TRMU: variants seen among roughly 807,000 people sequenced by gnomAD.
The protein encoded by TRMU is mitochondrial tRNA-specific 2-thiouridylase 1.
TRMU carries 49 observed loss-of-function variants against 46.9 expected under a neutral mutation model. The observed-to-expected ratio is 1.05, with a 90% CI of 0.83 to 1.33. TRMU has a LOEUF of 1.33. Among genes scored for constraint, TRMU ranks in the 40% most tolerant of loss-of-function variants. TRMU has a pLI of 0.00. For missense variants in TRMU, 572 were observed against 532.4 expected, an observed-to-expected ratio of 1.07 and a Z score of -0.73; for synonymous variants, 241 against 200.9, an observed-to-expected ratio of 1.20 and a Z score of -1.69.
chr22:46,356,790 C>T, intron 10 of TRMU, 52 bp from the exon 11 acceptor site: 1 of 1,606,494 alleles, frequency 6.2e-7, no homozygotes, highest in Admixed American at 1.7e-5. Context: ...CCCCTGCCTG[C>T]CCTCGGCTGG....
In TRMU at chr22:46,353,599, G is replaced by C. The variant is rs1352684682; in HGVS notation, c.773-168G>C. 1.8e-5 allele frequency: 11 copies of C among 624,224 alleles called. No individual in the cohort carries two copies. The Admixed American group carries it at 2.4e-4, about 13-fold the overall frequency. 38.7% of individuals were successfully genotyped at this position (624,224 alleles called of 1,614,324 possible). A position where few individuals can be genotyped will look rare whatever the true frequency, so the allele number is the denominator to read the frequency against. On this transcript the variant is annotated intron_variant, in intron 7 of 10. Transcript: ENST00000645190. ...GGACAATGATGAGATGTGCTCAGGT[G>C]CTTGGTCAGGGCTGGCTTTGGTGGT... is the stretch of plus-strand genomic sequence containing the variant.
In TRMU at chr22:46,353,867, G is replaced by T; in HGVS notation, c.873G>T (p.Val291=). The T allele has an allele frequency of 3.7e-6, 6 of 1,613,388 alleles. No homozygotes were observed. Among genetic ancestry groups the T allele is most frequent in the Non-Finnish European group, 5.1e-6 (6 of 1,179,550 alleles). The change falls in exon 8 of 11, where the codon GTG becomes GTT. Residue 291 remains valine (V), a splice_region_variant and synonymous_variant. Coordinates refer to ENST00000645190, the MANE Select transcript of TRMU (RefSeq NM_018006.5). ...EKDSVKGDVF[V]APRTDHPALY... ...ACAGCGTCAAGGGTGACGTGTTTGT[G>T]GTGAGTGGGCCGGCCTCTGAGACAG...
rs2078305676 is a variant in TRMU, at chr22:46,348,068, G to A, written c.478+1524G>A. 1.3e-5 allele frequency among the ~76,000 whole-genome samples: 2 copies of A among 151,570 alleles called. No homozygotes were observed. The highest frequency in any genetic ancestry group is 2.9e-5 in the Non-Finnish European group (2 of 67,812). On this transcript the variant is annotated intron_variant, in intron 4 of 10. Coordinates refer to ENST00000645190, the MANE Select transcript of TRMU (RefSeq NM_018006.5). The surrounding 1 kb of genome is among the most constrained non-coding windows in gnomAD (Gnocchi z 4.8). ...CCCCATTTCAGGAAGACATGGGTTT[G>A]AATGCAGATAAGACAGCCCCCCATT... is the stretch of plus-strand genomic sequence containing the variant.
rs1353021562 is a variant in TRMU, at chr22:46,337,944, G to T, written c.248G>T (p.Ser83Ile). The change falls in exon 2 of 11, where the codon AGT becomes ATT. Residue 83 changes from serine (S) to isoleucine (I), a missense_variant and splice_region_variant. Transcript: ENST00000645190. ...YVKEYWNDVF[S>I]DFLNEYEKGR... ...AAGGAGTATTGGAATGATGTGTTCA[G>T]GTGAGTGCGGGTCACAGCACAAAGG... 2 of 1,614,002 alleles carry T rather than the reference G, an allele frequency of 1.2e-6. No homozygotes were observed. Among genetic ancestry groups the T allele is most frequent in the Non-Finnish European group, 1.7e-6 (2 of 1,179,994 alleles).
rs760507725 is a variant in TRMU at position 46,335,790 on chromosome 22, G to A, written c.26G>A (p.Cys9Tyr). The A allele has an allele frequency of 1.3e-6, 2 of 1,560,838 alleles. No individual in the cohort carries two copies. Among genetic ancestry groups the A allele is most frequent in the Non-Finnish European group, 8.6e-7 (1 of 1,157,936 alleles). MQALRHVV[C>Y]ALSGGVDSAV... is the part of the protein sequence containing the mutation. ...ATGCAGGCCTTGCGGCACGTCGTGT[G>A]CGCCCTGTCCGGCGGCGTGGACAGC... Residue 9 changes from cysteine to tyrosine, a missense_variant, in exon 1 of 11, where the codon TGC becomes TAC. Transcript: ENST00000645190.
intron 4 of TRMU, 21 bp downstream of exon 4, chr22:46,346,565 C>T (rs1422663426): frequency 1.2e-6 from 2 of 1,605,594 alleles, no homozygotes; most frequent in Non-Finnish European, 1.7e-6. Context: ...GTGCCCAGGT[C>T]AGAGCCAAAT....
intron 2 of TRMU, 76 bp from the exon 3 acceptor site, chr22:46,343,186 G>A: frequency 9.5e-7 from 1 of 1,055,594 alleles, no homozygotes; most frequent in Middle Eastern, 2.2e-4. Context: ...CATTAAACAA[G>A]CAATTTAGTG....
rs917374686 is a variant in TRMU at position 46,349,360 on chromosome 22, C to T, written c.479-931C>T. Among the ~76,000 whole-genome samples the T allele has an allele frequency of 2.4e-4, 36 of 152,154 alleles. No homozygotes were observed. Among genetic ancestry groups the T allele is most frequent in the Admixed American group, 1.8e-3 (27 of 15,280 alleles). On this transcript the variant is annotated intron_variant, in intron 4 of 10. Transcript: ENST00000645190. This position sits in a 1 kb window ranked among gnomAD's most constrained non-coding sequence, Gnocchi z 4.6. ...GCCGGCTCCAGTCTCCCCTCTGTAA[C>T]GTGGGGAGAATTCTCCCTCTCACGG... is the stretch of plus-strand genomic sequence containing the variant.
chr22:46,355,569 C>T lies in TRMU; in HGVS notation c.999C>T (p.Phe333=), dbSNP rs531708138. 6.2e-7 allele frequency: 1 copy of T among 1,613,368 alleles called. No homozygotes were observed. Among genetic ancestry groups the T allele is most frequent in the Admixed American group, 1.7e-5 (1 of 60,028 alleles). ...AGATGATGGAGTGCCACTTCCGATT[C>T]CGCCACCAGATGGCACTAGGTGACT... ...RDKMMECHFR[F]RHQMALVPCV... is the part of the protein sequence containing the mutation. Residue 333 remains phenylalanine (F), a synonymous_variant, in exon 9 of 11, where the codon TTC becomes TTT. Coordinates refer to ENST00000645190, the MANE Select transcript of TRMU (RefSeq NM_018006.5).
rs1448181486 is a variant in TRMU, at chr22:46,351,688, GGCAGA to G, written c.652-432_652-428del. The G allele has an allele frequency of 3.8e-5, 12 of 316,562 alleles. 1 individual carries two copies. In the East Asian group the frequency reaches 8.8e-4, roughly 23 times the overall value. 19.6% of individuals were successfully genotyped at this position (316,562 alleles called of 1,614,324 possible). ...CACGCCACCCAGGCTCCCCAGCTAG[GGCAGA>G]TGTGCTTGAGGAAGGCGCCTCTCTC... On this transcript the variant is annotated intron_variant, in intron 5 of 10. Coordinates refer to ENST00000645190, the MANE Select transcript of TRMU (RefSeq NM_018006.5). This position sits in a 1 kb window ranked among gnomAD's most constrained non-coding sequence, Gnocchi z 6.4.
At chr22:46,337,108 T>C (rs112941034) in intron 1 of TRMU, among the ~76,000 whole-genome samples, 2,413 of 152,286 alleles carry the variant, frequency 0.016, 25 homozygotes, top group Non-Finnish European at 0.026. Flanking sequence ...CAAAGCTTTG[T>C]CATCAAATTT....
chr22:46,337,290 T>C (rs569999457), intron 1 of TRMU, among the ~76,000 whole-genome samples: 2 of 152,334 alleles, frequency 1.3e-5, no homozygotes, highest in South Asian at 4.1e-4. Context: ...GTGAATATTT[T>C]GTTACAATCG....
chr22:46,347,648 C>A lies in TRMU; in HGVS notation c.478+1104C>A, dbSNP rs2078295544. On this transcript the variant is annotated intron_variant, in intron 4 of 10. Coordinates refer to ENST00000645190, the MANE Select transcript of TRMU (RefSeq NM_018006.5). This position sits in a 1 kb window ranked among gnomAD's most constrained non-coding sequence, Gnocchi z 5.0. ...TACAGGTGTGAGCCACCAAGCCCGG[C>A]CTCACACGTTTCACATCACTCCTCT... Among the ~76,000 whole-genome samples, 1 of 152,236 alleles carries A rather than the reference C, an allele frequency of 6.6e-6. No individual in the cohort carries two copies. The highest frequency in any genetic ancestry group is 1.5e-5 in the Non-Finnish European group (1 of 68,046).
chr22:46,351,010 G>C lies in TRMU; in HGVS notation c.651+547G>C, dbSNP rs2078405435. ...CAGGAGGCCAATCAGTGTAAACCTA[G>C]AAAATGTCTACGGAGGGAGGTGTAG... On this transcript the variant is annotated intron_variant, in intron 5 of 10. Coordinates refer to ENST00000645190, the MANE Select transcript of TRMU (RefSeq NM_018006.5). This position sits in a 1 kb window ranked among gnomAD's most constrained non-coding sequence, Gnocchi z 6.4. Among the ~76,000 whole-genome samples the C allele has an allele frequency of 6.6e-6, 1 of 152,236 alleles. No homozygotes were observed. Among genetic ancestry groups the C allele is most frequent in the Admixed American group, 6.5e-5 (1 of 15,290 alleles).
At position 46,353,794 on chromosome 22, in the gene TRMU, G is replaced by C. The variant is rs1232007053; in HGVS notation, c.800G>C (p.Arg267Thr). 1.9e-6 allele frequency: 3 copies of C among 1,613,822 alleles called. No homozygotes were observed. Among genetic ancestry groups the C allele is most frequent in the Admixed American group, 3.3e-5 (2 of 59,996 alleles). ...TGGTTCCTGTATACCTTGGGCCAGA[G>C]AGCAAACATAGGTGGCCTGAGAGAG... is the stretch of plus-strand genomic sequence containing the variant. The part of the protein sequence containing the change: ...KGWFLYTLGQ[R>T]ANIGGLREPW... The change falls in exon 8 of 11, where the codon AGA becomes ACA. Residue 267 changes from arginine (R) to threonine (T), a missense_variant. Arg to Thr is a moderately conservative substitution (Grantham distance 71). Coordinates refer to ENST00000645190, the MANE Select transcript of TRMU (RefSeq NM_018006.5).
rs773745635 is a variant in TRMU at position 46,355,450 on chromosome 22, C to T, written c.880C>T (p.Arg294Trp). The change falls in exon 9 of 11, where the codon CGG becomes TGG. Residue 294 changes from arginine to tryptophan, a missense_variant. Transcript: ENST00000645190. The part of the protein sequence containing the change: ...SVKGDVFVAP[R>W]TDHPALYRDL... ...TTCACATTCCATTCTGCAGGCCCCC[C>T]GGACAGACCACCCAGCCCTGTACAG... 76 of 1,612,542 alleles carry T rather than the reference C, an allele frequency of 4.7e-5. No individual in the cohort carries two copies. The highest frequency in any genetic ancestry group is 3.6e-4 in the South Asian group (33 of 91,058).
chr22:46,337,663 C>T, intron 1 of TRMU, 116 bp from the exon 2 acceptor site: 3 of 1,394,946 alleles, frequency 2.2e-6, no homozygotes, highest in Non-Finnish European at 3.0e-6. Flanking sequence ...CCCGGCAGGC[C>T]AGGCACAGAG....
At chr22:46,335,972 A>T (rs1032140780) in intron 1 of TRMU, 126 bp downstream of exon 1, 51 of 1,474,498 alleles carry the variant, frequency 3.5e-5, no homozygotes, top group Non-Finnish European at 4.5e-5. Context: ...GGTCGGCAGG[A>T]GGATACCCCG....
intron 10 of TRMU, 71 bp downstream of exon 10, chr22:46,356,143 C>G: frequency 6.4e-7 from 1 of 1,571,792 alleles, no homozygotes; most frequent in Non-Finnish European, 8.7e-7. Flanking sequence ...ACCCGGGTTA[C>G]AGAGGAAGGG....
Sources: gnomAD v4.1 joint callset for allele counts (sites outside exome capture counted in the v4.1 genomes callset) on GRCh38, gnomAD v4.1.1 for gene constraint, Gnocchi (gnomAD v3.1) non-coding constraint, MANE v1.5 for transcripts, NCBI Gene and HGNC (gene_info 2026-07-23, HGNC 2026-07-21) for gene names.